ANP32A: variants seen among roughly 807,000 people sequenced by gnomAD.
The protein encoded by ANP32A is acidic leucine-rich nuclear phosphoprotein 32 family member A.
Under a neutral mutation model 33.9 loss-of-function variants are expected in ANP32A, and 1 was observed. That is an observed-to-expected ratio of 0.03 (90% CI 0.01 to 0.14). The LOEUF (loss-of-function observed/expected upper bound fraction) is 0.14, where lower values mean the gene tolerates loss of function less well. ANP32A is among the 10% of genes least tolerant of loss of function. The pLI, the probability that ANP32A is intolerant of heterozygous loss-of-function variation, is 1.00. For missense variants in ANP32A, 155 were observed against 306.0 expected (o/e 0.51, Z 3.68); for synonymous variants, 115 against 120.5 (o/e 0.95, Z 0.30).
intron 1 of ANP32A, chr15:68,818,110 GC>G: frequency 6.5e-6 from 1 of 154,204 alleles, no homozygotes; most frequent in South Asian, 1.9e-4. Context: ...CACAAGGCCG[GC>G]CCCGCGCGTA....
At chr15:68,788,066 T>G in intron 1 of ANP32A, 147 bp from the exon 2 acceptor site, 1 of 1,057,142 alleles carries the variant, frequency 9.5e-7, no homozygotes, top group Non-Finnish European at 1.4e-6. Flanking sequence ...CGGATCACTG[T>G]GCTGCCAACG....
chr15:68,812,272 C>G (rs943453717), intron 1 of ANP32A, among the ~76,000 whole-genome samples: 6 of 152,290 alleles, frequency 3.9e-5, no homozygotes, highest in Non-Finnish European at 7.4e-5. Flanking sequence ...GTGGGGGAAA[C>G]CAGGTGCACT....
Position 68,780,211 on chromosome 15 carries a change from G to A in ANP32A, c.689-69C>T, listed in dbSNP as rs1357057758. The stretch of plus-strand genomic sequence containing the variant: ...ACCTCTTTAACTCAACCCACCCAGT[G>A]AGAAGTCAGGGGACCCATGACTAGC... On this transcript the variant is annotated intron_variant, in intron 6 of 6. Transcript: ENST00000465139. The surrounding 1 kb of genome is among the most constrained non-coding windows in gnomAD (Gnocchi z 4.3). The A allele has an allele frequency of 4.4e-6, 7 of 1,594,546 alleles. No individual in the cohort carries two copies. The Admixed American group carries it at 5.2e-5, about 12-fold the overall frequency.
At chr15:68,791,747 G>C (rs1894000500) in intron 1 of ANP32A, 1 of 152,712 alleles carries the variant, frequency 6.5e-6, no homozygotes, top group Non-Finnish European at 1.5e-5. Context: ...TGAGATCACA[G>C]AGGGGAAGGA....
chr15:68,811,767 G>A (rs1259280814), intron 1 of ANP32A, among the ~76,000 whole-genome samples: 1 of 152,048 alleles, frequency 6.6e-6, no homozygotes, highest in Non-Finnish European at 1.5e-5. Flanking sequence ...ACCGAGTTTC[G>A]CTCGTTGCCC....
intron 1 of ANP32A, among the ~76,000 whole-genome samples, chr15:68,795,924 A>G (rs1894058225): frequency 6.6e-6 from 1 of 152,182 alleles, no homozygotes; most frequent in Non-Finnish European, 1.5e-5. Context: ...ATAGCTCTTA[A>G]AAGTGTTCAC....
chr15:68,785,739 G>A (rs960498374), intron 3 of ANP32A, among the ~76,000 whole-genome samples: 1 of 152,202 alleles, frequency 6.6e-6, no homozygotes, highest in African/African-American at 2.4e-5. Context: ...GCAGGGGGCA[G>A]TGGAGAGTGT....
chr15:68,781,053 C>T (rs375110169), intron 5 of ANP32A: 4 of 152,638 alleles, frequency 2.6e-5, no homozygotes, highest in East Asian at 1.9e-4. Flanking sequence ...CATTCCCAAC[C>T]GGCTTGAGAT....
chr15:68,781,607 CTTT>C (rs60622563), intron 5 of ANP32A: 10 of 141,420 alleles, frequency 7.1e-5, no homozygotes, highest in Non-Finnish European at 7.8e-5. Context: ...ATCTGGCCAG[CTTT>C]TTTTTTTTTT....
At chr15:68,799,670 G>A (rs1894105806) in intron 1 of ANP32A, among the ~76,000 whole-genome samples, 1 of 151,876 alleles carries the variant, frequency 6.6e-6, no homozygotes, top group Admixed American at 6.6e-5. Context: ...CACGTGGGAT[G>A]GACCAGGGCT....
intron 3 of ANP32A, among the ~76,000 whole-genome samples, chr15:68,786,814 T>G (rs1424615918): frequency 1.3e-5 from 2 of 152,114 alleles, no homozygotes; most frequent in Non-Finnish European, 2.9e-5. Context: ...GAGCCAGAAA[T>G]GCTACCCAGG....
intron 1 of ANP32A, among the ~76,000 whole-genome samples, chr15:68,819,578 C>T (rs2140378214): frequency 6.6e-6 from 1 of 152,360 alleles, no homozygotes; most frequent in South Asian, 2.1e-4. Flanking sequence ...GCGCCAGCTC[C>T]GGGCAGCTCG....
chr15:68,801,237 CA>C (rs1318539143), intron 1 of ANP32A, among the ~76,000 whole-genome samples: 1 of 146,022 alleles, frequency 6.8e-6, no homozygotes, highest in Admixed American at 6.8e-5. Context: ...AAAAAAAAAG[CA>C]AAGGAAAAAA....
intron 1 of ANP32A, among the ~76,000 whole-genome samples, chr15:68,808,925 T>C (rs1381416501): frequency 6.6e-6 from 1 of 152,198 alleles, no homozygotes; most frequent in Admixed American, 6.5e-5. Flanking sequence ...AGCTTCACTG[T>C]GCACCTCTGT....
intron 1 of ANP32A, among the ~76,000 whole-genome samples, chr15:68,806,905 G>C (rs909993069): frequency 6.6e-6 from 1 of 152,246 alleles, no homozygotes; most frequent in Non-Finnish European, 1.5e-5. Context: ...CAAGAGGCTG[G>C]AGAACCACAT....
rs146572000 is a variant in ANP32A, at chr15:68,802,641, C to T, written c.55-14722G>A. Among the ~76,000 whole-genome samples, 12 of 152,298 alleles carry T rather than the reference C, an allele frequency of 7.9e-5. No homozygotes were observed. The East Asian group carries it at 2.3e-3, about 29-fold the overall frequency. ...CTACAGGGTGGCAGTCATACAGCCT[C>T]AGAGTCCTATTATCTTATTTATTTA... On this transcript the variant is annotated intron_variant, in intron 1 of 6. Transcript: ENST00000465139.
intron 1 of ANP32A, among the ~76,000 whole-genome samples, chr15:68,807,058 C>T (rs1221842531): frequency 2.0e-5 from 3 of 152,236 alleles, no homozygotes; most frequent in African/African-American, 4.8e-5. Flanking sequence ...CACAGATGCA[C>T]ACCTAAGTGA....
intron 5 of ANP32A, chr15:68,781,607 C>CCT: frequency 7.1e-6 from 1 of 141,436 alleles, no homozygotes; most frequent in East Asian, 2.1e-4. Context: ...ATCTGGCCAG[C>CCT]TTTTTTTTTT....
At chr15:68,782,843 G>A in intron 5 of ANP32A, 113 bp downstream of exon 5, 3 of 1,488,800 alleles carry the variant, frequency 2.0e-6, no homozygotes, top group Non-Finnish European at 2.7e-6. Context: ...CTACCCATCG[G>A]GGAGCGACTT....
Sources: gnomAD v4.1 joint callset for allele counts (sites outside exome capture counted in the v4.1 genomes callset) on GRCh38, gnomAD v4.1.1 for gene constraint, Gnocchi (gnomAD v3.1) non-coding constraint, MANE v1.5 for transcripts, NCBI Gene and HGNC (gene_info 2026-07-23, HGNC 2026-07-21) for gene names.